ST18: variants seen among roughly 807,000 people sequenced by gnomAD.
The protein encoded by ST18 is ST18 C2H2C-type zinc finger transcription factor, also known as suppression of tumorigenicity 18 protein.
ST18 carries 50 observed loss-of-function variants against 110.0 expected under a neutral mutation model. That is an observed-to-expected ratio of 0.45 (90% CI 0.36 to 0.58). ST18 has a LOEUF of 0.58. Among genes scored for constraint, ST18 ranks in the 20% least tolerant of loss-of-function variants. The pLI, the probability that ST18 is intolerant of heterozygous loss-of-function variation, is 0.00. For missense variants in ST18, 1,306 were observed against 1,280.1 expected, an observed-to-expected ratio of 1.02 and a Z score of -0.31; for synonymous variants, 461 against 452.4, an observed-to-expected ratio of 1.02 and a Z score of -0.24.
intron 2 of ST18, among the ~76,000 whole-genome samples, chr8:52,240,138 CTG>C (rs2093253631): frequency 6.6e-6 from 1 of 152,074 alleles, no homozygotes; most frequent in Non-Finnish European, 1.5e-5. Context: ...TTGTTTAAGA[CTG>C]TTTCAAATCC....
intron 23 of ST18, among the ~76,000 whole-genome samples, chr8:52,120,027 A>T (rs2044070329): frequency 6.6e-6 from 1 of 152,190 alleles, no homozygotes; most frequent in Non-Finnish European, 1.5e-5. Flanking sequence ...ACCAACAGTT[A>T]CCCAGGACCA....
chr8:52,273,894 A>G (rs1371494194), intron 2 of ST18, among the ~76,000 whole-genome samples: 1 of 152,240 alleles, frequency 6.6e-6, no homozygotes, highest in Admixed American at 6.5e-5. Context: ...TAACAAGGCA[A>G]TTCATTAAAA....
chr8:52,334,444 A>G (rs966826353), intron 2 of ST18, among the ~76,000 whole-genome samples: 1 of 152,156 alleles, frequency 6.6e-6, no homozygotes, highest in Non-Finnish European at 1.5e-5. Flanking sequence ...TAGAAAGATC[A>G]CTCTTCCTTG....
chr8:52,186,050 G>T (rs1479192639), intron 8 of ST18, among the ~76,000 whole-genome samples: 1 of 152,148 alleles, frequency 6.6e-6, no homozygotes, highest in East Asian at 1.9e-4. Flanking sequence ...AGGTTGTGAA[G>T]AGCCATGAGC....
intron 2 of ST18, among the ~76,000 whole-genome samples, chr8:52,357,676 A>ATATATAT (rs1823427401): frequency 1.0e-4 from 4 of 38,452 alleles, no homozygotes; most frequent in African/African-American, 3.1e-4. Context: ...AAAATCTATA[A>ATATATAT]ATATATATAT....
chr8:52,345,220 T>G (rs1817185557), intron 2 of ST18, among the ~76,000 whole-genome samples: 1 of 152,200 alleles, frequency 6.6e-6, no homozygotes, highest in Non-Finnish European at 1.5e-5. Context: ...ACAATATCAC[T>G]TACTTTTCAA....
At position 52,197,897 on chromosome 8, in the gene ST18, A is replaced by ACAC. The variant is rs1174211835; in HGVS notation, c.86+14179_86+14181dup. Among the ~76,000 whole-genome samples the ACAC allele has an allele frequency of 4.0e-5, 6 of 151,622 alleles. No homozygotes were observed. The East Asian group carries it at 1.2e-3, about 29-fold the overall frequency. Reference sequence around the variant, plus strand: ...ACAGCAAAACAAAATGAGCACACACACACACACACACACACAAATACAGAA... The same window carrying ACAC: ...ACAGCAAAACAAAATGAGCACACACACACCACACACACACACACAAATACAGAA... On this transcript the variant is annotated intron_variant, in intron 8 of 25. Coordinates refer to ENST00000689386, the MANE Select transcript of ST18 (RefSeq NM_001352837.2).
At chr8:52,345,794 T>C (rs1817464223) in intron 2 of ST18, among the ~76,000 whole-genome samples, 1 of 152,208 alleles carries the variant, frequency 6.6e-6, no homozygotes, top group Non-Finnish European at 1.5e-5. Flanking sequence ...TTGACTCCTT[T>C]CTTATCTGCT....
At chr8:52,130,117 AG>A (rs1390561624) in intron 22 of ST18, among the ~76,000 whole-genome samples, 2 of 94,272 alleles carry the variant, frequency 2.1e-5, no homozygotes, top group Non-Finnish European at 4.4e-5. Context: ...AAAGAAAGAA[AG>A]AAAAGAAAGA....
intron 8 of ST18, among the ~76,000 whole-genome samples, chr8:52,187,777 G>A (rs1232443200): frequency 6.6e-6 from 1 of 152,128 alleles, no homozygotes; most frequent in African/African-American, 2.4e-5. Flanking sequence ...GTATCCGTAT[G>A]TACATTTGGC....
chr8:52,400,164 C>G (rs1842437302), intron 2 of ST18, among the ~76,000 whole-genome samples: 1 of 152,062 alleles, frequency 6.6e-6, no homozygotes, highest in Non-Finnish European at 1.5e-5. Context: ...TACATAATGA[C>G]CTTCTTTGCT....
intron 8 of ST18, among the ~76,000 whole-genome samples, chr8:52,182,788 T>C (rs1410905979): frequency 1.3e-5 from 2 of 152,104 alleles, no homozygotes; most frequent in East Asian, 3.9e-4. Context: ...GCATGTTCCA[T>C]AACAGGACTG....
chr8:52,132,513 G>A (rs865874930), intron 21 of ST18, among the ~76,000 whole-genome samples: 8 of 152,146 alleles, frequency 5.3e-5, no homozygotes, highest in Non-Finnish European at 7.4e-5. Flanking sequence ...ACCACATAAG[G>A]ACTATGTTAT....
chr8:52,262,627 A>C (rs1442673785), intron 2 of ST18, among the ~76,000 whole-genome samples: 2 of 152,248 alleles, frequency 1.3e-5, no homozygotes, highest in Non-Finnish European at 2.9e-5. Flanking sequence ...GTGTCGTTGT[A>C]CATTTTTTCT....
At chr8:52,378,090 G>C (rs1833096709) in intron 2 of ST18, among the ~76,000 whole-genome samples, 1 of 152,108 alleles carries the variant, frequency 6.6e-6, no homozygotes, top group South Asian at 2.1e-4. Flanking sequence ...AGAATAAAAT[G>C]GTGATTATCA....
chr8:52,133,024 A>AGCT, intron 21 of ST18, 33 bp downstream of exon 21: 1 of 1,611,146 alleles, frequency 6.2e-7, no homozygotes, highest in Non-Finnish European at 8.5e-7. Flanking sequence ...AACAAGAGAC[A>AGCT]GCTGACCCCC....
intron 2 of ST18, chr8:52,313,144 A>C (rs2095953516): frequency 6.6e-6 from 1 of 152,366 alleles, no homozygotes; most frequent in Non-Finnish European, 1.5e-5. Flanking sequence ...GAAACACTTC[A>C]CTTTTAAATT....
At chr8:52,220,036 G>A (rs145316830) in intron 5 of ST18, among the ~76,000 whole-genome samples, 1,596 of 152,172 alleles carry the variant, frequency 0.01, 20 homozygotes, top group African/African-American at 0.037. Flanking sequence ...ACTGTACCAC[G>A]GCCTCAGAGT....
intron 2 of ST18, chr8:52,408,066 C>T (rs1451240661): frequency 6.6e-6 from 1 of 152,094 alleles, no homozygotes; most frequent in Non-Finnish European, 1.5e-5. Flanking sequence ...AAGCCACAAA[C>T]TAAGGACGCT....
Sources: gnomAD v4.1 joint callset for allele counts (sites outside exome capture counted in the v4.1 genomes callset) on GRCh38, gnomAD v4.1.1 for gene constraint, MANE v1.5 for transcripts, NCBI Gene and HGNC (gene_info 2026-07-23, HGNC 2026-07-21) for gene names.